Variants in PLEKHG4B observed in about 807,000 individuals in gnomAD.
PLEKHG4B encodes pleckstrin homology and RhoGEF domain containing G4B, also known as pleckstrin homology domain-containing family G member 4B.
A neutral mutation model predicts 121.3 loss-of-function variants in PLEKHG4B; 111 were observed. The observed-to-expected ratio is 0.92, with a 90% CI of 0.78 to 1.07. The LOEUF (loss-of-function observed/expected upper bound fraction) is 1.07. PLEKHG4B is among the 50% of genes least tolerant of loss of function. The pLI, the probability that PLEKHG4B is intolerant of heterozygous loss-of-function variation, is 0.00. For missense variants in PLEKHG4B, 1,831 were observed against 1,757.8 expected, an observed-to-expected ratio of 1.04 and a Z score of -0.74; for synonymous variants, 738 against 725.0, an observed-to-expected ratio of 1.02 and a Z score of -0.29.
chr5:104,574 A>G (rs567759313), intron 1 of PLEKHG4B, among the ~76,000 whole-genome samples: 3 of 152,362 alleles, frequency 2.0e-5, no homozygotes, highest in African/African-American at 7.2e-5. Flanking sequence ...AATAGATAAT[A>G]AAGCTGATTT....
In PLEKHG4B at chr5:123,783, T is replaced by C. The variant is rs977611294; in HGVS notation, c.243+10335T>C. ...CACTTGGCTAAAGGTTTGTCAACTT[T>C]TTTTATCTTTCCAAAGAACCAATTG... is the stretch of plus-strand genomic sequence containing the variant. On this transcript the variant is annotated intron_variant, in intron 2 of 19. Coordinates refer to ENST00000637938, the MANE Select transcript of PLEKHG4B (RefSeq NM_052909.5). Among the ~76,000 whole-genome samples, 7 of 152,282 alleles carry C rather than the reference T, an allele frequency of 4.6e-5. No individual in the cohort carries two copies. The East Asian group carries it at 5.8e-4, about 13-fold the overall frequency.
chr5:131,130 C>CTTTTT (rs1553984429), intron 2 of PLEKHG4B, among the ~76,000 whole-genome samples: 4 of 114,510 alleles, frequency 3.5e-5, no homozygotes, highest in African/African-American at 8.9e-5. Context: ...TTTTTTTTTA[C>CTTTTT]TTTAAATTCT....
intron 2 of PLEKHG4B, among the ~76,000 whole-genome samples, chr5:138,497 G>T (rs1389281050): frequency 1.3e-5 from 2 of 152,340 alleles, no homozygotes; most frequent in Non-Finnish European, 2.9e-5. Flanking sequence ...TTCCCCATCT[G>T]CATGTGTGTC....
Position 186,301 on chromosome 5 carries a change from A to G in PLEKHG4B, c.*3978A>G, listed in dbSNP as rs1443089182. The stretch of plus-strand genomic sequence containing the variant: ...TTTCCAGAAGGCAGGGTTAGGAAAC[A>G]CCTGTTTCCAGGCAGAGTAATGCTT... On this transcript the variant is annotated 3_prime_UTR_variant, in exon 20 of 20. Transcript: ENST00000637938. The G allele has an allele frequency of 1.3e-5, 2 of 152,198 alleles. No homozygotes were observed. Among genetic ancestry groups the G allele is most frequent in the African/African-American group, 2.4e-5 (1 of 41,434 alleles). The allele number at this position is 152,198 out of a possible 1,614,324, so 9.4% of individuals were successfully genotyped here.
Position 173,031 on chromosome 5 carries a change from C to T in PLEKHG4B, c.4185C>T (p.Gly1395=), listed in dbSNP as rs1161381595. ...TTAGCAAGACCCAGAAGGTGGAGGGCAGCCACGACGTCTACCTGTACAAGC... is the reference window on the plus strand; with the variant it reads ...TTAGCAAGACCCAGAAGGTGGAGGGTAGCCACGACGTCTACCTGTACAAGC... ...ILFSKTQKVE[G]SHDVYLYKQS... Residue 1395 remains glycine (G), a synonymous_variant, in exon 17 of 20, where the codon GGC becomes GGT. Coordinates refer to ENST00000637938, the MANE Select transcript of PLEKHG4B (RefSeq NM_052909.5). 2 of 1,614,016 alleles carry T rather than the reference C, an allele frequency of 1.2e-6. No homozygotes were observed. The highest frequency in any genetic ancestry group is 1.7e-6 in the Non-Finnish European group (2 of 1,180,034).
At chr5:162,634 A>G in intron 12 of PLEKHG4B, 88 bp from the exon 13 acceptor site, 1 of 999,014 alleles carries the variant, frequency 1.0e-6, no homozygotes, top group South Asian at 3.8e-5. Context: ...GTCCCTGAAT[A>G]GGCTGACCTG....
chr5:92,439 GA>G (rs561376046), intron 1 of PLEKHG4B, among the ~76,000 whole-genome samples, 163 bp downstream of exon 1: 16 of 100,712 alleles, frequency 1.6e-4, no homozygotes, highest in Middle Eastern at 5.0e-3. Context: ...GCGGACGCGG[GA>G]GTAGGGGCGG....
rs1315510844 is a variant in PLEKHG4B at position 159,739 on chromosome 5, G to A, written c.2488-2044G>A. Among the ~76,000 whole-genome samples, 1 of 152,104 alleles carries A rather than the reference G, an allele frequency of 6.6e-6. No homozygotes were observed. Among genetic ancestry groups the A allele is most frequent in the African/African-American group, 2.4e-5 (1 of 41,420 alleles). ...GATTCTTTTCCTCTAATCCCGGCCT[G>A]AAAGGAGAGCCTGGCCGTAGCTCAG... On this transcript the variant is annotated intron_variant, in intron 11 of 19. Coordinates refer to ENST00000637938, the MANE Select transcript of PLEKHG4B (RefSeq NM_052909.5). This position sits in a 1 kb window ranked among gnomAD's most constrained non-coding sequence, Gnocchi z 5.5.
At chr5:152,006 A>G (rs765261032) in intron 7 of PLEKHG4B, among the ~76,000 whole-genome samples, 4 of 152,240 alleles carry the variant, frequency 2.6e-5, no homozygotes, top group Non-Finnish European at 5.9e-5. Context: ...AGAAAAGTTC[A>G]TCATAATTCA....
rs1231254288 is a variant in PLEKHG4B, at chr5:189,833, A to G, written c.*7510A>G. The G allele has an allele frequency of 6.6e-6, 1 of 152,146 alleles. No individual in the cohort carries two copies. The allele number at this position is 152,146 out of a possible 1,614,324, so 9.4% of individuals were successfully genotyped here. ...CACACAGAGCCCGAGTAGGTAAAGG[A>G]AGGTTCTGGAAACCACTTTTCAGAA... On this transcript the variant is annotated 3_prime_UTR_variant, in exon 20 of 20. Coordinates refer to ENST00000637938, the MANE Select transcript of PLEKHG4B (RefSeq NM_052909.5).
rs1019131206 is a variant in PLEKHG4B at position 182,155 on chromosome 5, C to T, written c.4716C>T (p.Ser1572=). 2.5e-6 allele frequency: 4 copies of T among 1,613,892 alleles called. No individual in the cohort carries two copies. Among genetic ancestry groups the T allele is most frequent in the Non-Finnish European group, 3.4e-6 (4 of 1,180,050 alleles). The change falls in exon 20 of 20, where the codon TCC becomes TCT. Residue 1572 remains serine, a synonymous_variant. Transcript: ENST00000637938. ...GGTCGCTGGGCCTGCTTGTGTCCTC[C>T]AGCCCAGCCCACCCGGGCCTATGGA... is the stretch of plus-strand genomic sequence containing the variant. ...ILGSLGLLVS[S]SPAHPGLWSP... is the part of the protein sequence containing the mutation.
At chr5:145,976 C>T (rs1735395216) in intron 6 of PLEKHG4B, among the ~76,000 whole-genome samples, 1 of 151,982 alleles carries the variant, frequency 6.6e-6, no homozygotes, top group South Asian at 2.1e-4. Context: ...GGAAAGACAT[C>T]AGTCAGGGAC....
Position 156,319 on chromosome 5 carries a change from C to G in PLEKHG4B, c.2348+109C>G. Reference sequence around the variant, plus strand: ...TGCTCCAAGGAGAGCCCCCTCTGTGCTTGGTCCAGACCTCCATTCTGACAG... The same window carrying G: ...TGCTCCAAGGAGAGCCCCCTCTGTGGTTGGTCCAGACCTCCATTCTGACAG... On this transcript the variant is annotated intron_variant, in intron 10 of 19. Coordinates refer to ENST00000637938, the MANE Select transcript of PLEKHG4B (RefSeq NM_052909.5). This position sits in a 1 kb window ranked among gnomAD's most constrained non-coding sequence, Gnocchi z 4.4. The G allele has an allele frequency of 8.5e-7, 1 of 1,179,690 alleles. No homozygotes were observed. The allele number at this position is 1,179,690 out of a possible 1,614,324, so 73.1% of individuals were successfully genotyped here.
chr5:136,861 T>C (rs567935372), intron 2 of PLEKHG4B, among the ~76,000 whole-genome samples: 8 of 152,188 alleles, frequency 5.3e-5, no homozygotes, highest in Non-Finnish European at 8.8e-5. Flanking sequence ...TCTGGGCACC[T>C]ACCCAAAAGA....
Position 139,845 on chromosome 5 carries a change from C to T in PLEKHG4B, c.606C>T (p.Pro202=), listed in dbSNP as rs1453470668. The change falls in exon 3 of 20, where the codon CCC becomes CCT. Residue 202 remains proline (P), a synonymous_variant. Transcript: ENST00000637938. This position sits in a 1 kb window ranked among gnomAD's most constrained non-coding sequence, Gnocchi z 5.0. ...WSDVTDPVFV[P]SPGAILQSYS... is the part of the protein sequence containing the mutation. ...ACGTCACTGACCCTGTCTTTGTCCC[C>T]AGCCCTGGAGCCATCCTGCAGAGCT... 3 of 398,978 alleles carry T rather than the reference C, an allele frequency of 7.5e-6. No individual in the cohort carries two copies. Among genetic ancestry groups the T allele is most frequent in the Non-Finnish European group, 1.3e-5 (3 of 226,422 alleles). The allele number at this position is 398,978 out of a possible 1,614,324, so 24.7% of individuals were successfully genotyped here.
At chr5:166,701 G>T (rs1004825051) in intron 13 of PLEKHG4B, among the ~76,000 whole-genome samples, 3 of 152,188 alleles carry the variant, frequency 2.0e-5, no homozygotes, top group Admixed American at 1.3e-4. Context: ...GGCCCTGGGG[G>T]TTGGAGGCCT....
intron 1 of PLEKHG4B, among the ~76,000 whole-genome samples, chr5:106,547 A>T (rs892952776): frequency 6.6e-6 from 1 of 152,244 alleles, no homozygotes. Flanking sequence ...ACGAACATGT[A>T]GAACTGCACT....
rs1733992890 is a variant in PLEKHG4B, at chr5:106,976, T to A, written c.46-6275T>A. On this transcript the variant is annotated intron_variant, in intron 1 of 19. Transcript: ENST00000637938. ...GTGGAGACTCATATGCAGGATGCAG[T>A]TCTTATCCGATTCTTTTCCCGGCAA... is the stretch of plus-strand genomic sequence containing the variant. Among the ~76,000 whole-genome samples, 3 of 152,338 alleles carry A rather than the reference T, an allele frequency of 2.0e-5. 1 individual carries two copies. The South Asian group carries it at 6.2e-4, about 32-fold the overall frequency.
intron 1 of PLEKHG4B, among the ~76,000 whole-genome samples, chr5:100,389 T>C (rs1297597830): frequency 6.6e-6 from 1 of 150,850 alleles, no homozygotes; most frequent in Non-Finnish European, 1.5e-5. Flanking sequence ...TATAAAGCCC[T>C]GGAAAAAGCC....
Sources: allele counts gnomAD v4.1 joint callset (sites outside exome capture counted in the v4.1 genomes callset), GRCh38; gene constraint gnomAD v4.1.1; non-coding constraint Gnocchi (gnomAD v3.1); transcripts MANE v1.5; gene names NCBI Gene and HGNC (gene_info 2026-07-23, HGNC 2026-07-21).